Variants in SIPA1L2 observed in about 807,000 individuals in gnomAD.
The protein encoded by SIPA1L2 is signal-induced proliferation-associated 1-like protein 2.
In SIPA1L2, 56 loss-of-function variants were observed where a neutral mutation model predicts 163.9. The ratio of observed to expected loss-of-function variants is 0.34; its 90% CI spans 0.28 to 0.43. The LOEUF (loss-of-function observed/expected upper bound fraction) is 0.43, where lower values mean the gene tolerates loss of function less well. SIPA1L2 is among the 20% of genes least tolerant of loss of function. The pLI, the probability that SIPA1L2 is intolerant of heterozygous loss-of-function variation, is 1.00. For missense variants in SIPA1L2, 1,974 were observed against 2,193.5 expected (o/e 0.90, Z 2.00); for synonymous variants, 877 against 865.7 (o/e 1.01, Z -0.23).
intron 10 of SIPA1L2, 147 bp from the exon 11 acceptor site, chr1:232,445,933 G>C: frequency 1.3e-6 from 1 of 745,132 alleles, no homozygotes; most frequent in Non-Finnish European, 2.3e-6. Flanking sequence ...TCCACCCTTA[G>C]GAGCATCTCA....
chr1:232,550,034 A>G (rs1478542539), intron 2 of SIPA1L2, among the ~76,000 whole-genome samples: 1 of 152,246 alleles, frequency 6.6e-6, no homozygotes, highest in African/African-American at 2.4e-5. Flanking sequence ...AAGAGGGATT[A>G]CACACTTAAC....
At chr1:232,418,994 A>C (rs535936293) in intron 18 of SIPA1L2, among the ~76,000 whole-genome samples, 1 of 152,208 alleles carries the variant, frequency 6.6e-6, no homozygotes, top group Non-Finnish European at 1.5e-5. Context: ...GCTTTACATC[A>C]AAGAAAAGAC....
At chr1:232,583,847 G>C (rs1047665581) in intron 1 of SIPA1L2, among the ~76,000 whole-genome samples, 5 of 144,350 alleles carry the variant, frequency 3.5e-5, no homozygotes, top group Admixed American at 2.8e-4. Flanking sequence ...CTCAGAAAAT[G>C]ATGTAACAAA....
In SIPA1L2 at chr1:232,461,102, C is replaced by G; in HGVS notation, c.2880G>C (p.Gln960His). The change falls in exon 10 of 23, where the codon CAG becomes CAC. Residue 960 changes from glutamine to histidine, a missense_variant. Gln to His is a conservative substitution (Grantham distance 24, BLOSUM62 0). Around this residue, in one of 3 missense-constraint regions of SIPA1L2, gnomAD observed 1,079 missense variants for 1,150.7 expected, o/e 0.94. Coordinates refer to ENST00000674635, the MANE Select transcript of SIPA1L2 (RefSeq NM_020808.5). ...CTTCAAAATTCACATGGAAGCCAAG[C>G]TGGCCCAGCCCGTTCCTCCTCAGGG... is the stretch of plus-strand genomic sequence containing the variant. ...EMTLRRNGLG[Q>H]LGFHVNFEGI... is the part of the protein sequence containing the mutation. 4 of 1,614,280 alleles carry G rather than the reference C, an allele frequency of 2.5e-6. No homozygotes were observed. Among genetic ancestry groups the G allele is most frequent in the African/African-American group, 1.3e-5 (1 of 75,080 alleles).
chr1:232,545,558 C>T (rs1657981093), intron 2 of SIPA1L2, among the ~76,000 whole-genome samples: 1 of 152,168 alleles, frequency 6.6e-6, no homozygotes, highest in Non-Finnish European at 1.5e-5. Flanking sequence ...TTTCTTCTAA[C>T]CTCTTGTTCT....
chr1:232,451,960 C>T (rs961214555), intron 10 of SIPA1L2, among the ~76,000 whole-genome samples: 1 of 149,582 alleles, frequency 6.7e-6, no homozygotes, highest in African/African-American at 2.5e-5. Flanking sequence ...CAAAAGCATA[C>T]ACTGGAAGGC....
chr1:232,535,938 T>C (rs1479017326), intron 2 of SIPA1L2, among the ~76,000 whole-genome samples: 1 of 152,066 alleles, frequency 6.6e-6, no homozygotes, highest in African/African-American at 2.4e-5. Context: ...AATGTTAGAG[T>C]CTCAAGTGAC....
chr1:232,605,223 A>T (rs1661834862), intron 1 of SIPA1L2, among the ~76,000 whole-genome samples: 1 of 152,128 alleles, frequency 6.6e-6, no homozygotes. Flanking sequence ...CATGTTGCCC[A>T]GTCTGGTGTC....
intron 2 of SIPA1L2, among the ~76,000 whole-genome samples, chr1:232,569,489 C>T (rs1659593621): frequency 6.6e-6 from 1 of 152,080 alleles, no homozygotes; most frequent in African/African-American, 2.4e-5. Flanking sequence ...TTGGGCGGGA[C>T]AATGAGAAAC....
In SIPA1L2 at chr1:232,500,330, T is replaced by C. The variant is rs187037938; in HGVS notation, c.1484-6670A>G. 1.1e-3 allele frequency among the ~76,000 whole-genome samples: 169 copies of C among 152,356 alleles called. 1 individual carries two copies. Among genetic ancestry groups the C allele is most frequent in the African/African-American group, 3.6e-3 (150 of 41,584 alleles). ...TAAGTCTTATTATTTAAGAAATACA[T>C]TTTGTAAGGCTATAGCCGCCATACA... On this transcript the variant is annotated intron_variant, in intron 3 of 22. Coordinates refer to ENST00000674635, the MANE Select transcript of SIPA1L2 (RefSeq NM_020808.5).
chr1:232,460,006 T>C (rs1237217492), intron 10 of SIPA1L2, among the ~76,000 whole-genome samples: 1 of 152,080 alleles, frequency 6.6e-6, no homozygotes, highest in Non-Finnish European at 1.5e-5. Flanking sequence ...AGCAAATTCC[T>C]GGATTCCAAG....
intron 1 of SIPA1L2, among the ~76,000 whole-genome samples, chr1:232,623,644 G>C (rs1175130283): frequency 6.6e-6 from 1 of 151,916 alleles, no homozygotes; most frequent in Admixed American, 6.6e-5. Context: ...AAACAGCTGA[G>C]TTCAATTAGA....
intron 2 of SIPA1L2, among the ~76,000 whole-genome samples, chr1:232,572,939 C>T (rs2781794): frequency 4.1e-4 from 62 of 151,230 alleles, no homozygotes; most frequent in African/African-American, 1.4e-3. Flanking sequence ...CCACCATGCC[C>T]GTCTAATTTT....
intron 2 of SIPA1L2, among the ~76,000 whole-genome samples, chr1:232,532,340 G>C (rs1209491131): frequency 6.6e-6 from 1 of 152,204 alleles, no homozygotes; most frequent in Non-Finnish European, 1.5e-5. Flanking sequence ...AGATAGAGAA[G>C]ATTGTAGAAG....
At position 232,471,358 on chromosome 1, in the gene SIPA1L2, A is replaced by G; in HGVS notation, c.2243+13T>C. ...AACCTGGGAGAATGATAGATCAGGG[A>G]TGACTGACTCACCTATAACACACAT... On this transcript the variant is annotated intron_variant, in intron 8 of 22. Transcript: ENST00000674635. 2 of 1,607,778 alleles carry G rather than the reference A, an allele frequency of 1.2e-6. No individual in the cohort carries two copies. Among genetic ancestry groups the G allele is most frequent in the Non-Finnish European group, 1.7e-6 (2 of 1,177,780 alleles).
intron 10 of SIPA1L2, among the ~76,000 whole-genome samples, chr1:232,446,825 T>C (rs559494751): frequency 6.8e-4 from 104 of 152,368 alleles, no homozygotes; most frequent in Admixed American, 2.0e-3. Context: ...CATAGTCACA[T>C]TGCCCACAGA....
At chr1:232,499,050 C>T (rs949475397) in intron 3 of SIPA1L2, among the ~76,000 whole-genome samples, 6 of 152,108 alleles carry the variant, frequency 3.9e-5, no homozygotes, top group African/African-American at 1.2e-4. Context: ...GTTTTAGTGC[C>T]GTGGGGGTAA....
At chr1:232,417,294 C>T (rs980310924) in intron 18 of SIPA1L2, among the ~76,000 whole-genome samples, 2 of 152,184 alleles carry the variant, frequency 1.3e-5, no homozygotes, top group Non-Finnish European at 2.9e-5. Context: ...ATTTTCCATG[C>T]TACCTACCAC....
chr1:232,522,568 C>G (rs1441160208), intron 2 of SIPA1L2, among the ~76,000 whole-genome samples: 1 of 150,066 alleles, frequency 6.7e-6, no homozygotes, highest in African/African-American at 2.5e-5. Context: ...CTGCTATCCT[C>G]TTCTAAACTC....
Sources: gnomAD v4.1 joint callset for allele counts (sites outside exome capture counted in the v4.1 genomes callset) on GRCh38, gnomAD v4.1.1 for gene constraint, gnomAD v4.1.1 regional missense constraint, MANE v1.5 for transcripts, NCBI Gene and HGNC (gene_info 2026-07-23, HGNC 2026-07-21) for gene names.